SOX6: variants seen among roughly 807,000 people sequenced by gnomAD.
The protein encoded by SOX6 is SRY-box transcription factor 6.
Under a neutral mutation model 97.8 loss-of-function variants are expected in SOX6, and 11 were observed. That is an observed-to-expected ratio of 0.11 (90% CI 0.07 to 0.19). The LOEUF (loss-of-function observed/expected upper bound fraction) is 0.19, where lower values mean the gene tolerates loss of function less well. Among genes scored for constraint, SOX6 ranks in the 10% least tolerant of loss-of-function variants. SOX6 has a pLI of 1.00. For synonymous variants in SOX6, 360 were observed against 371.4 expected (o/e 0.97, Z 0.35); for missense variants, 810 against 1,039.5 (o/e 0.78, Z 3.04).
chr11:16,634,218 A>T (rs545849719), intron 3 of SOX6, among the ~76,000 whole-genome samples: 13 of 152,296 alleles, frequency 8.5e-5, no homozygotes, highest in Admixed American at 3.9e-4. Context: ...ACTGGAAAAT[A>T]AAAAATCTAA....
Position 16,400,924 on chromosome 11 carries a change from T to C in SOX6, c.-4-59672A>G, listed in dbSNP as rs559337096. On this transcript the variant is annotated intron_variant, in intron 1 of 15. Transcript: ENST00000396356. ...CCCAAATTTCTAAATACTTTCTGAATGGTGCCAAAAACAAACCATGGCCTT... is the reference window on the plus strand; with the variant it reads ...CCCAAATTTCTAAATACTTTCTGAACGGTGCCAAAAACAAACCATGGCCTT... Among the ~76,000 whole-genome samples the C allele has an allele frequency of 2.0e-5, 3 of 151,666 alleles. No homozygotes were observed. In the East Asian group the frequency reaches 5.8e-4, roughly 29 times the overall value.
intron 4 of SOX6, among the ~76,000 whole-genome samples, chr11:16,526,476 C>T (rs1334379592): frequency 6.6e-6 from 1 of 151,324 alleles, no homozygotes; most frequent in African/African-American, 2.4e-5. Flanking sequence ...CACTCCGGGG[C>T]CTGTTGTGGG....
At chr11:16,718,187 C>G (rs1234940815) in intron 2 of SOX6, among the ~76,000 whole-genome samples, 26 of 151,046 alleles carry the variant, frequency 1.7e-4, no homozygotes, top group Non-Finnish European at 5.9e-5. Context: ...TGAGTTCTTC[C>G]CCATCCTCAA....
intron 3 of SOX6, among the ~76,000 whole-genome samples, chr11:16,244,627 TA>T (rs1215238310): frequency 6.6e-6 from 1 of 151,782 alleles, no homozygotes; most frequent in African/African-American, 2.4e-5. Flanking sequence ...AGGTAAAAGA[TA>T]AAGTCAGTTT....
At chr11:16,538,020 A>T (rs990280936) in intron 4 of SOX6, among the ~76,000 whole-genome samples, 9 of 152,148 alleles carry the variant, frequency 5.9e-5, no homozygotes, top group African/African-American at 2.2e-4. Flanking sequence ...AAGACACATA[A>T]TTTTCAGATT....
chr11:16,547,617 G>C (rs1040452690), intron 4 of SOX6, among the ~76,000 whole-genome samples: 3 of 152,102 alleles, frequency 2.0e-5, no homozygotes, highest in African/African-American at 7.2e-5. Flanking sequence ...GTCGACAAGA[G>C]ATTAGGAAGA....
At chr11:16,186,549 A>G (rs1851481438) in intron 5 of SOX6, among the ~76,000 whole-genome samples, 2 of 152,126 alleles carry the variant, frequency 1.3e-5, no homozygotes, top group African/African-American at 4.8e-5. Context: ...ACCTGAAACA[A>G]TGTATCATTT....
At chr11:16,277,264 T>C (rs993431270) in intron 3 of SOX6, among the ~76,000 whole-genome samples, 1 of 151,988 alleles carries the variant, frequency 6.6e-6, no homozygotes, top group Non-Finnish European at 1.5e-5. Flanking sequence ...AACAGGACTA[T>C]TGACCTTAGA....
chr11:16,334,885 A>G (rs1856411184), intron 2 of SOX6, among the ~76,000 whole-genome samples: 3 of 152,162 alleles, frequency 2.0e-5, no homozygotes, highest in African/African-American at 7.2e-5. Flanking sequence ...GTATCATACC[A>G]GTAACCCTTT....
At chr11:16,173,018 C>A (rs187042363) in intron 6 of SOX6, among the ~76,000 whole-genome samples, 1 of 151,764 alleles carries the variant, frequency 6.6e-6, no homozygotes. Flanking sequence ...AAATTGTGGC[C>A]TCCCAGAGCC....
At chr11:16,585,335 G>T (rs748939893) in intron 4 of SOX6, among the ~76,000 whole-genome samples, 22 of 152,224 alleles carry the variant, frequency 1.4e-4, no homozygotes, top group Middle Eastern at 6.8e-3. Flanking sequence ...TCTTATGTGT[G>T]CCAAGCACTG....
chr11:16,521,769 C>G (rs1179389679), intron 4 of SOX6, among the ~76,000 whole-genome samples: 2 of 152,088 alleles, frequency 1.3e-5, no homozygotes, highest in Middle Eastern at 3.4e-3. Flanking sequence ...AGAACCAATA[C>G]AGAGAAGTGC....
At position 16,683,414 on chromosome 11, in the gene SOX6, C is replaced by T. The variant is rs1847944008; in HGVS notation, n.429+31416G>A. On this transcript the variant is annotated intron_variant and non_coding_transcript_variant, in intron 3 of 5. Transcript: ENST00000524520. ...ATAGACCAATAGAACAGAACAGAGG[C>T]CTCAGAAATAACACCACACATCTAC... Among the ~76,000 whole-genome samples the T allele has an allele frequency of 2.6e-5, 4 of 152,196 alleles. No homozygotes were observed. The South Asian group carries it at 8.3e-4, about 32-fold the overall frequency.
chr11:16,325,955 A>G (rs1856074785), intron 2 of SOX6, among the ~76,000 whole-genome samples: 1 of 152,176 alleles, frequency 6.6e-6, no homozygotes. Flanking sequence ...TTGGAAGCAG[A>G]GACTGGGCCT....
chr11:16,725,935 G>C (rs1848303524), intron 2 of SOX6, among the ~76,000 whole-genome samples: 2 of 152,060 alleles, frequency 1.3e-5, no homozygotes, highest in Admixed American at 1.3e-4. Context: ...TAAATATAAA[G>C]TTAATTGTTT....
At chr11:16,406,901 A>G (rs1858697808) in intron 1 of SOX6, among the ~76,000 whole-genome samples, 1 of 152,240 alleles carries the variant, frequency 6.6e-6, no homozygotes, top group African/African-American at 2.4e-5. Flanking sequence ...AGTGAGAAAA[A>G]TTCTTAAAAA....
chr11:16,064,257 G>A lies in SOX6; in HGVS notation c.1102-8356C>T, dbSNP rs571776918. 1.1e-3 allele frequency among the ~76,000 whole-genome samples: 166 copies of A among 151,706 alleles called. 1 individual carries two copies. Among genetic ancestry groups the A allele is most frequent in the African/African-American group, 3.6e-3 (151 of 41,426 alleles). On this transcript the variant is annotated intron_variant, in intron 9 of 15. Transcript: ENST00000683767. ...ATAAGTAGACAGAGCTTGATAAAAT[G>A]GGAATTGAGGGGGGCTTTAAATTGG...
chr11:16,505,132 T>C (rs1306482001), intron 4 of SOX6, among the ~76,000 whole-genome samples: 1 of 152,112 alleles, frequency 6.6e-6, no homozygotes, highest in African/African-American at 2.4e-5. Context: ...CAGAGGAAGG[T>C]AGAAAGATGA....
rs1385628902 is a variant in SOX6, at chr11:16,050,820, TTATAA to T, written c.1252-887_1252-883del. 2.0e-5 allele frequency among the ~76,000 whole-genome samples: 3 copies of T among 152,196 alleles called. 1 individual carries two copies. In the East Asian group the frequency reaches 5.8e-4, roughly 29 times the overall value. On this transcript the variant is annotated intron_variant, in intron 10 of 15. Transcript: ENST00000683767. ...CACTTTCATCATCCTAGAAATTTAG[TTATAA>T]TATGACCATATTTATTTAAATGTTC...
Sources: gnomAD v4.1 joint callset for allele counts (sites outside exome capture counted in the v4.1 genomes callset) on GRCh38, gnomAD v4.1.1 for gene constraint, MANE v1.5 for transcripts, NCBI Gene and HGNC (gene_info 2026-07-23, HGNC 2026-07-21) for gene names.